Variants in ERICH1 observed in about 807,000 individuals in gnomAD.
ERICH1 encodes glutamate rich 1, also known as glutamate-rich protein 1.
ERICH1 carries 56 observed loss-of-function variants against 39.6 expected under a neutral mutation model. The ratio of observed to expected loss-of-function variants is 1.41; its 90% CI spans 1.14 to 1.77. The LOEUF (loss-of-function observed/expected upper bound fraction) is 1.77, where lower values mean the gene tolerates loss of function less well. Among genes scored for constraint, ERICH1 ranks in the 40% most tolerant of loss-of-function variants. ERICH1 has a pLI of 0.00. For synonymous variants in ERICH1, 313 were observed against 223.6 expected (o/e 1.40, Z -3.57); for missense variants, 826 against 575.4 (o/e 1.44, Z -4.45).
In ERICH1 at chr8:731,152, G is replaced by A. The variant is rs377470192; in HGVS notation, c.10C>T (p.His4Tyr). ...CGCACCCACCTACCGTGCTTCCTGTGCGCCGCCATGCGGGACCCTGCCGCG... is the reference window on the plus strand; with the variant it reads ...CGCACCCACCTACCGTGCTTCCTGTACGCCGCCATGCGGGACCCTGCCGCG... MAAHRKHVFVEKVL... is the reference protein window; with the variant it reads MAAYRKHVFVEKVL... The change falls in exon 1 of 6, where the codon CAC becomes TAC. Residue 4 changes from histidine to tyrosine, a missense_variant. Coordinates refer to ENST00000262109, the MANE Select transcript of ERICH1 (RefSeq NM_207332.3). 43 of 1,515,922 alleles carry A rather than the reference G, an allele frequency of 2.8e-5. No individual in the cohort carries two copies. The highest frequency in any genetic ancestry group is 3.4e-4 in the Middle Eastern group (2 of 5,798). The allele number at this position is 1,515,922 out of a possible 1,614,324, so 93.9% of individuals were successfully genotyped here. A position where few individuals can be genotyped will look rare whatever the true frequency, so the allele number is the denominator to read the frequency against.
intron 2 of ERICH1, among the ~76,000 whole-genome samples, chr8:708,966 A>G (rs1814085077): frequency 6.6e-6 from 1 of 152,058 alleles, no homozygotes; most frequent in East Asian, 1.9e-4. Context: ...AAGTGCTGTG[A>G]TAACAGGGTG....
chr8:692,577 AGAGCCGTC>A lies in ERICH1; in HGVS notation c.197_204del (p.Arg66LeufsTer8). 1 of 1,612,068 alleles carries A rather than the reference AGAGCCGTC, an allele frequency of 6.2e-7. No individual in the cohort carries two copies. Among genetic ancestry groups the A allele is most frequent in the Non-Finnish European group, 8.5e-7 (1 of 1,178,848 alleles). On this transcript the variant is annotated frameshift_variant, in exon 3 of 6. Transcript: ENST00000262109. LOFTEE classifies it high-confidence loss of function. ...CCCTCAGGAGGCCCGCTGGCAGTGT[AGAGCCGTC>A]GGGCAGTCGGGGTCTCAGAGCCAGT... is the stretch of plus-strand genomic sequence containing the variant.
At chr8:717,202 A>C (rs1316226243) in intron 1 of ERICH1, among the ~76,000 whole-genome samples, 1 of 152,158 alleles carries the variant, frequency 6.6e-6, no homozygotes, top group African/African-American at 2.4e-5. Flanking sequence ...GAAAACCTGA[A>C]CTGAAACGAT....
At chr8:719,998 C>G (rs1194228849) in intron 1 of ERICH1, among the ~76,000 whole-genome samples, 1 of 152,176 alleles carries the variant, frequency 6.6e-6, no homozygotes, top group Non-Finnish European at 1.5e-5. Context: ...TTTTCTCTGC[C>G]TAGGCCTGGA....
At chr8:682,242 C>A (rs976868988) in intron 3 of ERICH1, among the ~76,000 whole-genome samples, 4 of 152,190 alleles carry the variant, frequency 2.6e-5, no homozygotes, top group Non-Finnish European at 4.4e-5. Context: ...CTCAAAGTCT[C>A]ATCTGAGGGG....
chr8:642,613 A>T (rs960736685), intron 3 of ERICH1, among the ~76,000 whole-genome samples: 44 of 148,536 alleles, frequency 3.0e-4, no homozygotes, highest in South Asian at 4.3e-4. Context: ...CAAAGTGGAA[A>T]TTTTTTTTTT....
At chr8:687,969 C>T (rs1030699421) in intron 3 of ERICH1, among the ~76,000 whole-genome samples, 1 of 148,120 alleles carries the variant, frequency 6.8e-6, no homozygotes, top group Non-Finnish European at 1.5e-5. Context: ...GGCGAGAAGG[C>T]GCCGAGAGAC....
intron 1 of ERICH1, among the ~76,000 whole-genome samples, chr8:727,841 G>C (rs956244944): frequency 6.6e-6 from 1 of 152,232 alleles, no homozygotes; most frequent in African/African-American, 2.4e-5. Context: ...AGGACAAGGA[G>C]TCAAAGGACT....
At chr8:644,371 T>C (rs1270600846) in intron 3 of ERICH1, among the ~76,000 whole-genome samples, 1 of 152,228 alleles carries the variant, frequency 6.6e-6, no homozygotes, top group Non-Finnish European at 1.5e-5. Context: ...TTCTTGCTTG[T>C]GACGCTGAAA....
chr8:618,412 C>T (rs953636220), intron 3 of ERICH1, among the ~76,000 whole-genome samples: 1 of 152,144 alleles, frequency 6.6e-6, no homozygotes, highest in African/African-American at 2.4e-5. Flanking sequence ...ACCATCACTG[C>T]CCTCTGAGTG....
chr8:650,698 G>T (rs1799836488), intron 3 of ERICH1, among the ~76,000 whole-genome samples: 4 of 152,210 alleles, frequency 2.6e-5, no homozygotes, highest in African/African-American at 9.6e-5. Context: ...AGGCCACCCT[G>T]ACCCTGAAGA....
intron 3 of ERICH1, among the ~76,000 whole-genome samples, chr8:632,080 G>A (rs915401816): frequency 6.6e-6 from 1 of 152,140 alleles, no homozygotes; most frequent in Non-Finnish European, 1.5e-5. Context: ...TCTACTCTCC[G>A]ACTGGCAGGG....
intron 2 of ERICH1, among the ~76,000 whole-genome samples, chr8:709,749 G>C (rs1814272160): frequency 6.6e-6 from 1 of 152,080 alleles, no homozygotes; most frequent in South Asian, 2.1e-4. Flanking sequence ...AATCACTTTA[G>C]GCAAGAAAAT....
intron 2 of ERICH1, among the ~76,000 whole-genome samples, chr8:694,899 A>C (rs1390531493): frequency 1.3e-5 from 2 of 152,132 alleles, no homozygotes; most frequent in Non-Finnish European, 2.9e-5. Context: ...CAGAGAATGC[A>C]GCGTCTGTGA....
At chr8:685,700 C>G (rs1354454455) in intron 3 of ERICH1, among the ~76,000 whole-genome samples, 1 of 152,170 alleles carries the variant, frequency 6.6e-6, no homozygotes, top group Non-Finnish European at 1.5e-5. Context: ...TTCGGGGTCC[C>G]TGACTTCCTG....
chr8:702,664 G>A (rs566412797), intron 2 of ERICH1, among the ~76,000 whole-genome samples: 49 of 152,380 alleles, frequency 3.2e-4, no homozygotes, highest in African/African-American at 1.1e-3. Flanking sequence ...CTCAGCACCA[G>A]GTTCCGTGAC....
At chr8:721,366 C>T (rs73521194) in intron 1 of ERICH1, among the ~76,000 whole-genome samples, 5,160 of 152,260 alleles carry the variant, frequency 0.034, 295 homozygotes, top group African/African-American at 0.12. Context: ...CTGGCAGATT[C>T]ACAGACGAGC....
At chr8:661,119 A>G (rs1801367589), downstream of ERICH1, among the ~76,000 whole-genome samples, 1 of 152,088 alleles carries the variant, frequency 6.6e-6, no homozygotes, top group African/African-American at 2.4e-5. Context: ...GCTGTACCCA[A>G]TATTGGTGCG....
At chr8:686,098 T>G (rs1168499523) in intron 3 of ERICH1, among the ~76,000 whole-genome samples, 1 of 150,568 alleles carries the variant, frequency 6.6e-6, no homozygotes, top group Non-Finnish European at 1.5e-5. Context: ...AGGCAGAGGG[T>G]GCAGTGAGAT....
Sources: gnomAD v4.1 joint callset for allele counts (sites outside exome capture counted in the v4.1 genomes callset) on GRCh38, gnomAD v4.1.1 for gene constraint, MANE v1.5 for transcripts, NCBI Gene and HGNC (gene_info 2026-07-23, HGNC 2026-07-21) for gene names.